OSBP2: variants seen among roughly 807,000 people sequenced by gnomAD.
OSBP2 encodes the protein oxysterol binding protein 2.
In OSBP2, 66 loss-of-function variants were observed where a neutral mutation model predicts 96.0. The observed-to-expected ratio is 0.69, with a 90% CI of 0.56 to 0.84. The LOEUF is 0.84. Ranked by LOEUF, OSBP2 falls within the 40% of genes least tolerant of loss-of-function variation. The probability of loss-of-function intolerance (pLI) is 0.00; values close to 1 mark genes in which losing one functional copy is unlikely to be tolerated. For synonymous variants in OSBP2, 525 were observed against 520.9 expected (o/e 1.01, Z -0.11); for missense variants, 1,038 against 1,222.7 (o/e 0.85, Z 2.25).
intron 2 of OSBP2, among the ~76,000 whole-genome samples, chr22:30,754,474 T>TGGA (rs2090116857): frequency 6.6e-6 from 1 of 152,130 alleles, no homozygotes; most frequent in African/African-American, 2.4e-5. Flanking sequence ...GCTCACTGTT[T>TGGA]GGGGCTGAGG....
chr22:30,874,967 A>G (rs2147119902), intron 3 of OSBP2, among the ~76,000 whole-genome samples: 1 of 152,278 alleles, frequency 6.6e-6, no homozygotes, highest in South Asian at 2.1e-4. Context: ...GTGCTCCCTG[A>G]GGTCAGGCTG....
At chr22:30,762,404 C>T (rs891895305) in intron 2 of OSBP2, among the ~76,000 whole-genome samples, 6 of 151,800 alleles carry the variant, frequency 4.0e-5, no homozygotes, top group Admixed American at 6.6e-5. Flanking sequence ...AAAAATTAGC[C>T]GGGCGTGGTG....
At chr22:30,903,572 C>T (rs2040261869) in intron 12 of OSBP2, among the ~76,000 whole-genome samples, 2 of 152,222 alleles carry the variant, frequency 1.3e-5, no homozygotes, top group African/African-American at 4.8e-5. Flanking sequence ...ACTGCTTTTT[C>T]GAGGCTGTGT....
At chr22:30,772,493 C>T (rs1435833710) in intron 2 of OSBP2, among the ~76,000 whole-genome samples, 1 of 152,164 alleles carries the variant, frequency 6.6e-6, no homozygotes, top group African/African-American at 2.4e-5. Flanking sequence ...AGCTCTGTGT[C>T]ATAGAGAACT....
chr22:30,763,509 G>A (rs1362864467), intron 2 of OSBP2, among the ~76,000 whole-genome samples: 4 of 152,074 alleles, frequency 2.6e-5, no homozygotes, highest in Non-Finnish European at 4.4e-5. Context: ...ATCCAGGTGT[G>A]GTGGTGCATG....
chr22:30,868,255 C>G (rs1306140384), intron 2 of OSBP2, among the ~76,000 whole-genome samples: 4 of 152,258 alleles, frequency 2.6e-5, no homozygotes, highest in African/African-American at 9.6e-5. Context: ...CAACCCTGCC[C>G]CTCAATAGCT....
At chr22:30,884,450 C>A (rs1391248957) in intron 3 of OSBP2, among the ~76,000 whole-genome samples, 2 of 152,220 alleles carry the variant, frequency 1.3e-5, no homozygotes, top group Admixed American at 6.5e-5. Flanking sequence ...TGATAGTGCA[C>A]CCCTGGCCAC....
At position 30,870,358 on chromosome 22, in the gene OSBP2, G is replaced by A; in HGVS notation, c.854-71G>A. The stretch of plus-strand genomic sequence containing the variant: ...GGCGCTATCCACCCTGCCCTGCTCG[G>A]CCTGGCTGTGCAGGCCTCTTGGTAC... On this transcript the variant is annotated intron_variant, in intron 2 of 13. Transcript: ENST00000332585. The surrounding 1 kb of genome is among the most constrained non-coding windows in gnomAD (Gnocchi z 4.1). 6.6e-7 allele frequency: 1 copy of A among 1,525,932 alleles called. No homozygotes were observed. Among genetic ancestry groups the A allele is most frequent in the Non-Finnish European group, 9.0e-7 (1 of 1,114,940 alleles). 94.5% of individuals were successfully genotyped at this position (1,525,932 alleles called of 1,614,324 possible). A position where few individuals can be genotyped will look rare whatever the true frequency, so the allele number is the denominator to read the frequency against.
At chr22:30,850,324 T>A (rs1466586708) in intron 2 of OSBP2, among the ~76,000 whole-genome samples, 3 of 141,578 alleles carry the variant, frequency 2.1e-5, no homozygotes, top group South Asian at 2.4e-4. Flanking sequence ...AAAAAAAAAA[T>A]TCAGTTGATC....
intron 2 of OSBP2, among the ~76,000 whole-genome samples, chr22:30,797,840 C>T (rs2090786962): frequency 1.3e-5 from 2 of 152,204 alleles, no homozygotes; most frequent in Non-Finnish European, 1.5e-5. Context: ...GCAATCCACC[C>T]ACCTTGGTCT....
chr22:30,715,963 C>T (rs1051399412), intron 1 of OSBP2, among the ~76,000 whole-genome samples: 7 of 151,640 alleles, frequency 4.6e-5, no homozygotes, highest in African/African-American at 1.7e-4. Flanking sequence ...AAGTATCCCA[C>T]CTCAGCCTCC....
intron 2 of OSBP2, among the ~76,000 whole-genome samples, chr22:30,820,458 C>T (rs929886234): frequency 6.6e-6 from 1 of 151,378 alleles, no homozygotes; most frequent in East Asian, 1.9e-4. Context: ...CCCCCCGCCA[C>T]CTCATTTTTT....
intron 2 of OSBP2, among the ~76,000 whole-genome samples, chr22:30,802,688 C>G (rs1359667444): frequency 6.6e-6 from 1 of 152,270 alleles, no homozygotes; most frequent in Non-Finnish European, 1.5e-5. Context: ...CAGCCTGGGA[C>G]AAGGCTGGCT....
intron 2 of OSBP2, among the ~76,000 whole-genome samples, chr22:30,794,739 G>A (rs1369397698): frequency 6.6e-6 from 1 of 150,984 alleles, no homozygotes. Flanking sequence ...GGAAGTTGCA[G>A]TGAGCCGAGA....
chr22:30,790,346 A>G (rs568384595), intron 2 of OSBP2, among the ~76,000 whole-genome samples: 1 of 152,120 alleles, frequency 6.6e-6, no homozygotes, highest in East Asian at 1.9e-4. Flanking sequence ...ACAGCTTGAA[A>G]CTACATCAGC....
At chr22:30,804,097 T>C (rs2090893800) in intron 2 of OSBP2, among the ~76,000 whole-genome samples, 1 of 152,164 alleles carries the variant, frequency 6.6e-6, no homozygotes. Flanking sequence ...CTCCATCACC[T>C]GGCAAGGTCA....
intron 2 of OSBP2, among the ~76,000 whole-genome samples, chr22:30,808,625 A>G (rs889461217): frequency 2.0e-5 from 3 of 152,166 alleles, no homozygotes; most frequent in Non-Finnish European, 2.9e-5. Context: ...GGTGATTCCT[A>G]ATCTAATATG....
Position 30,906,015 on chromosome 22 carries a change from C to A in OSBP2, c.2554C>A (p.Arg852=), listed in dbSNP as rs753790117. Residue 852 remains arginine, a synonymous_variant, in exon 13 of 14, where the codon CGG becomes AGG. Transcript: ENST00000332585. ...QRLEEKQRLS[R]RRRLEACGPG... is the part of the protein sequence containing the mutation. ...GCTGGAGGAGAAGCAGCGCCTGTCG[C>A]GGCGCCGGCGGCTGGAGGCCTGCGG... 4 of 1,573,452 alleles carry A rather than the reference C, an allele frequency of 2.5e-6. No individual in the cohort carries two copies. In the African/African-American group the frequency reaches 4.1e-5, roughly 16 times the overall value.
intron 1 of OSBP2, among the ~76,000 whole-genome samples, chr22:30,712,636 T>C (rs1259071656): frequency 6.6e-6 from 1 of 152,216 alleles, no homozygotes; most frequent in Non-Finnish European, 1.5e-5. Context: ...GGGAGGGAAC[T>C]GGAGCGTCCA....
Sources: allele counts gnomAD v4.1 joint callset (sites outside exome capture counted in the v4.1 genomes callset), GRCh38; gene constraint gnomAD v4.1.1; non-coding constraint Gnocchi (gnomAD v3.1); transcripts MANE v1.5; gene names NCBI Gene and HGNC (gene_info 2026-07-23, HGNC 2026-07-21).